RETREG1: variants seen among roughly 807,000 people sequenced by gnomAD.
RETREG1 encodes family with sequence similarity 134 member B.
In RETREG1, 44 loss-of-function variants were observed where a neutral mutation model predicts 54.8. The ratio of observed to expected loss-of-function variants is 0.80; its 90% confidence interval spans 0.63 to 1.03. The LOEUF (loss-of-function observed/expected upper bound fraction) is 1.03, where lower values mean the gene tolerates loss of function less well. Among genes scored for constraint, RETREG1 ranks in the 50% least tolerant of loss-of-function variants. RETREG1 has a pLI of 0.00. For synonymous variants in RETREG1, 217 were observed against 238.5 expected, an observed-to-expected ratio of 0.91 and a Z score of 0.83; for missense variants, 554 against 605.1, an observed-to-expected ratio of 0.92 and a Z score of 0.89.
chr5:16,586,313 G>T (rs1742626035), intron 1 of RETREG1, among the ~76,000 whole-genome samples: 1 of 152,190 alleles, frequency 6.6e-6, no homozygotes, highest in African/African-American at 2.4e-5. Flanking sequence ...CAATATGAAT[G>T]TGGGATCCTA....
chr5:16,495,079 C>G (rs1171238790), intron 3 of RETREG1, among the ~76,000 whole-genome samples: 1 of 152,134 alleles, frequency 6.6e-6, no homozygotes, highest in African/African-American at 2.4e-5. Context: ...CTGTGAAACT[C>G]TGAACTTAAA....
intron 3 of RETREG1, among the ~76,000 whole-genome samples, chr5:16,498,981 C>T (rs569354334): frequency 5.9e-5 from 9 of 151,978 alleles, no homozygotes; most frequent in Admixed American, 2.0e-4. Flanking sequence ...CTTGTAATAA[C>T]GCTTACCCTA....
intron 8 of RETREG1, among the ~76,000 whole-genome samples, chr5:16,476,917 AAAAAAT>A (rs528513579): frequency 4.6e-4 from 70 of 152,266 alleles, no homozygotes; most frequent in African/African-American, 1.5e-3. Flanking sequence ...TCAGAAACAA[AAAAAAT>A]AAAAATAAAA....
intron 8 of RETREG1, among the ~76,000 whole-genome samples, chr5:16,475,915 T>C (rs1160563442): frequency 6.6e-6 from 1 of 152,200 alleles, no homozygotes; most frequent in Non-Finnish European, 1.5e-5. Flanking sequence ...AATCTTTTAA[T>C]ATAACAGTTA....
chr5:16,601,602 G>C (rs1743057070), intron 1 of RETREG1, among the ~76,000 whole-genome samples: 1 of 151,952 alleles, frequency 6.6e-6, no homozygotes, highest in South Asian at 2.1e-4. Context: ...CACCATGTTG[G>C]CCAGGCTGGT....
intron 1 of RETREG1, among the ~76,000 whole-genome samples, chr5:16,590,421 T>C (rs1407150855): frequency 6.6e-6 from 1 of 152,260 alleles, no homozygotes; most frequent in Non-Finnish European, 1.5e-5. Context: ...AAGGTTCTTT[T>C]ATGTGAAGTA....
intron 1 of RETREG1, among the ~76,000 whole-genome samples, chr5:16,606,318 C>G (rs969084078): frequency 1.3e-5 from 2 of 152,210 alleles, no homozygotes; most frequent in Non-Finnish European, 2.9e-5. Context: ...TCAAGGTGCT[C>G]TTTCTGGTCA....
chr5:16,499,104 A>G (rs1486143483), intron 3 of RETREG1, among the ~76,000 whole-genome samples: 1 of 148,584 alleles, frequency 6.7e-6, no homozygotes, highest in African/African-American at 2.5e-5. Flanking sequence ...ATTTTTTGTT[A>G]AAAACTAAGA....
intron 3 of RETREG1, among the ~76,000 whole-genome samples, chr5:16,564,425 A>G (rs1460676962): frequency 6.6e-6 from 1 of 152,264 alleles, no homozygotes; most frequent in Non-Finnish European, 1.5e-5. Flanking sequence ...AGCATGAAGC[A>G]GATAGACAGC....
intron 4 of RETREG1, among the ~76,000 whole-genome samples, chr5:16,482,449 TA>T (rs202193728): frequency 0.091 from 12,878 of 140,838 alleles, 652 homozygotes; most frequent in East Asian, 0.18. Flanking sequence ...GTATCTATGC[TA>T]AAAAAAAAAA....
intron 3 of RETREG1, among the ~76,000 whole-genome samples, chr5:16,508,111 T>C (rs371495683): frequency 6.6e-6 from 1 of 152,346 alleles, no homozygotes. Context: ...TTTTCAACAA[T>C]AGGAACTGTG....
rs756096035 is a variant in RETREG1 at position 16,587,344 on chromosome 5, AT to A, written c.321-15243del. On this transcript the variant is annotated intron_variant, in intron 1 of 8. Coordinates refer to ENST00000306320, the MANE Select transcript of RETREG1 (RefSeq NM_001034850.3). Reference sequence around the variant, plus strand: ...TGATGAATTTAGATACATGGAAATTATATATCCATAAATAGATTAGGTTGGA... The same window carrying A: ...TGATGAATTTAGATACATGGAAATTAATATCCATAAATAGATTAGGTTGGA... 3.9e-5 allele frequency among the ~76,000 whole-genome samples: 6 copies of A among 152,348 alleles called. No homozygotes were observed. The East Asian group carries it at 1.2e-3, about 29-fold the overall frequency.
At chr5:16,577,943 TC>T (rs1274299491) in intron 1 of RETREG1, among the ~76,000 whole-genome samples, 3 of 152,242 alleles carry the variant, frequency 2.0e-5, no homozygotes, top group Admixed American at 6.5e-5. Flanking sequence ...AGCCTCTTTT[TC>T]TTTATAAATT....
rs371139271 is a variant in RETREG1 at position 16,570,013 on chromosome 5, C to T, written c.427+1983G>A. On this transcript the variant is annotated intron_variant, in intron 2 of 8. Transcript: ENST00000306320. ...TCCAGAGGGAATGCAGCCCTGCCAA[C>T]GCTTTGATTTGGGCCCAGTGACACT... 1.1e-3 allele frequency among the ~76,000 whole-genome samples: 174 copies of T among 152,328 alleles called. 1 individual carries two copies. The highest frequency in any genetic ancestry group is 3.9e-3 in the African/African-American group (162 of 41,576).
chr5:16,476,104 T>C (rs1321707193), intron 8 of RETREG1, among the ~76,000 whole-genome samples: 1 of 152,156 alleles, frequency 6.6e-6, no homozygotes, highest in Admixed American at 6.5e-5. Context: ...AGAGCTTGAA[T>C]GACCTTCAGC....
At chr5:16,499,939 C>T (rs1484147971) in intron 3 of RETREG1, among the ~76,000 whole-genome samples, 4 of 152,224 alleles carry the variant, frequency 2.6e-5, no homozygotes, top group African/African-American at 7.2e-5. Context: ...CAACTAAGGG[C>T]CACAGAGCAA....
At chr5:16,538,029 T>G (rs1243559368) in intron 3 of RETREG1, among the ~76,000 whole-genome samples, 5 of 152,162 alleles carry the variant, frequency 3.3e-5, no homozygotes, top group Non-Finnish European at 7.3e-5. Flanking sequence ...TACTGTGGCC[T>G]GCAGAAGAGA....
intron 3 of RETREG1, among the ~76,000 whole-genome samples, chr5:16,549,835 G>A (rs966809): frequency 0.34 from 51,547 of 151,838 alleles, 10,218 homozygotes; most frequent in Non-Finnish European, 0.44. Flanking sequence ...GTAATAACTG[G>A]CCCCCCAAAA....
intron 2 of RETREG1, among the ~76,000 whole-genome samples, chr5:16,571,120 T>C (rs1742162001): frequency 6.6e-6 from 1 of 152,174 alleles, no homozygotes; most frequent in Non-Finnish European, 1.5e-5. Flanking sequence ...AGTAAATCCG[T>C]ACCAGCTGAC....
Sources: allele counts gnomAD v4.1 joint callset (sites outside exome capture counted in the v4.1 genomes callset), GRCh38; gene constraint gnomAD v4.1.1; transcripts MANE v1.5; gene names NCBI Gene and HGNC (gene_info 2026-07-23, HGNC 2026-07-21).